Variants in RNF185 observed in about 807,000 individuals in gnomAD.
RNF185 encodes E3 ubiquitin-protein ligase RNF185.
In RNF185, 13 loss-of-function variants were observed where a neutral mutation model predicts 24.9. The observed-to-expected ratio is 0.52, with a 90% CI of 0.34 to 0.83. The LOEUF (loss-of-function observed/expected upper bound fraction) is 0.83. Ranked by LOEUF, RNF185 falls within the 40% of genes least tolerant of loss-of-function variation. The probability of loss-of-function intolerance (pLI) is 0.01; values close to 1 mark genes in which losing one functional copy is unlikely to be tolerated. For missense variants in RNF185, 184 were observed against 244.7 expected (o/e 0.75, Z 1.65); for synonymous variants, 79 against 90.3 (o/e 0.88, Z 0.71).
intron 1 of RNF185, among the ~76,000 whole-genome samples, chr22:31,161,009 G>A (rs1923540774): frequency 6.6e-6 from 1 of 152,188 alleles, no homozygotes; most frequent in Non-Finnish European, 1.5e-5. Flanking sequence ...GCCAGTTCAG[G>A]AACTTTGAAA....
At chr22:31,199,267 G>A (rs753558247) in intron 5 of RNF185, among the ~76,000 whole-genome samples, 4 of 152,122 alleles carry the variant, frequency 2.6e-5, no homozygotes, top group East Asian at 1.9e-4. Context: ...CTCATTTAAC[G>A]GAGGAGGAAA....
rs376584668 is a variant in RNF185, at chr22:31,194,086, C to T, written c.196-1383C>T. ...TTTTTTGTCTTTTTAGTAGAGACAA[C>T]GGAGTTTCACCATGTTCCCCACGCT... On this transcript the variant is annotated intron_variant, in intron 3 of 6. Coordinates refer to ENST00000326132, the MANE Select transcript of RNF185 (RefSeq NM_152267.4). 9.9e-5 allele frequency among the ~76,000 whole-genome samples: 15 copies of T among 151,476 alleles called. No individual in the cohort carries two copies. In the South Asian group the frequency reaches 1.3e-3, roughly 13 times the overall value.
intron 1 of RNF185, among the ~76,000 whole-genome samples, chr22:31,177,940 A>G (rs1486221237): frequency 6.6e-6 from 1 of 152,180 alleles, no homozygotes; most frequent in Admixed American, 6.5e-5. Context: ...CTGCAGGGAT[A>G]TTCAACTCTC....
At position 31,187,214 on chromosome 22, in the gene RNF185, C is replaced by T. The variant is rs755017292; in HGVS notation, c.120C>T (p.Asn40=). The change falls in exon 2 of 7, where the codon AAC becomes AAT. Residue 40 remains asparagine (N), a synonymous_variant. Transcript: ENST00000326132. ...SGGQDSTFEC[N]ICLDTAKDAV... is the part of the protein sequence containing the mutation. ...GGCAGGACAGCACTTTCGAGTGCAA[C>T]ATCTGCTTGGACACAGCCAAGGATG... The T allele has an allele frequency of 1.2e-6, 2 of 1,614,152 alleles. No homozygotes were observed. Among genetic ancestry groups the T allele is most frequent in the South Asian group, 1.1e-5 (1 of 91,080 alleles).
rs912112340 is a variant in RNF185 at position 31,204,656 on chromosome 22, T to C, written c.*70T>C. ...ACGTGCCACCCCAACTCCTGGTGTTTGGCTTCCTGGCTAATCTTGACTCCT... is the reference window on the plus strand; with the variant it reads ...ACGTGCCACCCCAACTCCTGGTGTTCGGCTTCCTGGCTAATCTTGACTCCT... On this transcript the variant is annotated 3_prime_UTR_variant, in exon 7 of 7. Coordinates refer to ENST00000326132, the MANE Select transcript of RNF185 (RefSeq NM_152267.4). 8 of 981,900 alleles carry C rather than the reference T, an allele frequency of 8.1e-6. No homozygotes were observed. The highest frequency in any genetic ancestry group is 1.3e-5 in the Non-Finnish European group (8 of 607,334). 60.8% of individuals were successfully genotyped at this position (981,900 alleles called of 1,614,324 possible).
chr22:31,189,286 T>TTC (rs2048132526), intron 2 of RNF185, among the ~76,000 whole-genome samples: 1 of 100,656 alleles, frequency 9.9e-6, no homozygotes, highest in African/African-American at 4.2e-5. Flanking sequence ...ATATCTTTTT[T>TTC]TTTTTTTTTT....
At chr22:31,188,049 G>A (rs1366491369) in intron 2 of RNF185, among the ~76,000 whole-genome samples, 1 of 152,098 alleles carries the variant, frequency 6.6e-6, no homozygotes, top group African/African-American at 2.4e-5. Context: ...CTAGGGACAG[G>A]CACATGCACT....
At chr22:31,189,538 C>G (rs188947586) in intron 2 of RNF185, among the ~76,000 whole-genome samples, 2 of 151,812 alleles carry the variant, frequency 1.3e-5, no homozygotes, top group South Asian at 2.1e-4. Context: ...CTCAAGTGAT[C>G]TGCCCACCCC....
intron 1 of RNF185, among the ~76,000 whole-genome samples, chr22:31,173,946 C>G (rs1163886267): frequency 6.6e-6 from 1 of 152,198 alleles, no homozygotes; most frequent in Non-Finnish European, 1.5e-5. Context: ...GACTCATTTA[C>G]TCAGCAAATT....
At chr22:31,187,392 A>G (rs1239229760) in intron 2 of RNF185, 122 bp downstream of exon 2, 3 of 1,052,232 alleles carry the variant, frequency 2.9e-6, no homozygotes, top group Non-Finnish European at 4.2e-6. Flanking sequence ...CTCAAGGGAC[A>G]AGAGACCTGA....
intron 3 of RNF185, among the ~76,000 whole-genome samples, chr22:31,193,701 C>T (rs1251347331): frequency 6.6e-5 from 10 of 150,900 alleles, no homozygotes; most frequent in Admixed American, 2.6e-4. Context: ...GGCTGAGGCA[C>T]GAGAATCGCT....
rs1309956397 is a variant in RNF185, at chr22:31,206,867, C to G, written c.*2281C>G. 6.6e-6 allele frequency: 1 copy of G among 152,282 alleles called. No individual in the cohort carries two copies. Among genetic ancestry groups the G allele is most frequent in the African/African-American group, 2.4e-5 (1 of 41,454 alleles). The allele number at this position is 152,282 out of a possible 1,614,324, so 9.4% of individuals were successfully genotyped here. On this transcript the variant is annotated 3_prime_UTR_variant, in exon 7 of 7. Coordinates refer to ENST00000326132, the MANE Select transcript of RNF185 (RefSeq NM_152267.4). ...GTTTTCTGTGTTCTTAGCCTCCACC[C>G]TCCTCCTGCCACCCTTGTGGACTAG...
At chr22:31,198,817 G>A (rs2048234413) in intron 5 of RNF185, among the ~76,000 whole-genome samples, 1 of 145,704 alleles carries the variant, frequency 6.9e-6, no homozygotes, top group South Asian at 2.2e-4. Context: ...GTTCTCGGCT[G>A]GGCGTGGTGG....
At chr22:31,185,180 A>G (rs5749227) in intron 1 of RNF185, among the ~76,000 whole-genome samples, 126,023 of 151,906 alleles carry the variant, frequency 0.83, 52,921 homozygotes, top group African/African-American at 0.96. Context: ...AACTGGTGCC[A>G]CCAGCATCCA....
chr22:31,173,498 T>C (rs1464097068), intron 1 of RNF185, among the ~76,000 whole-genome samples: 1 of 151,828 alleles, frequency 6.6e-6, no homozygotes, highest in Admixed American at 6.6e-5. Flanking sequence ...GTAAGGAACC[T>C]GGAAGCTGGG....
At chr22:31,181,617 A>G (rs1400440532) in intron 1 of RNF185, among the ~76,000 whole-genome samples, 3 of 152,202 alleles carry the variant, frequency 2.0e-5, no homozygotes, top group Admixed American at 6.5e-5. Flanking sequence ...ATGTCCAACA[A>G]TGGTAGACTG....
chr22:31,168,740 G>A (rs144067957), intron 1 of RNF185, among the ~76,000 whole-genome samples: 2,024 of 152,218 alleles, frequency 0.013, 19 homozygotes, highest in Middle Eastern at 0.027. Context: ...ATTTTCTGGT[G>A]TTATAAAAAT....
chr22:31,188,619 G>A (rs2048122671), intron 2 of RNF185, among the ~76,000 whole-genome samples: 1 of 151,994 alleles, frequency 6.6e-6, no homozygotes, highest in Non-Finnish European at 1.5e-5. Flanking sequence ...TTGAGCCCAG[G>A]AGTGCAAGAT....
chr22:31,187,117 C>A lies in RNF185; in HGVS notation c.23C>A (p.Ala8Asp). The stretch of plus-strand genomic sequence containing the variant: ...AGGATGGCAAGCAAGGGGCCCTCGG[C>A]CTCTGCATCTCCTGAGAACTCCAGT... MASKGPS[A>D]SASPENSSAG... Residue 8 changes from alanine to aspartate, a missense_variant, in exon 2 of 7, where the codon GCC becomes GAC. Physicochemically the swap from Ala to Asp is moderately radical, Grantham distance 126. Coordinates refer to ENST00000326132, the MANE Select transcript of RNF185 (RefSeq NM_152267.4). 6.2e-7 allele frequency: 1 copy of A among 1,608,812 alleles called. No homozygotes were observed. The highest frequency in any genetic ancestry group is 1.7e-5 in the Admixed American group (1 of 58,888).
Sources: gnomAD v4.1 joint callset for allele counts (sites outside exome capture counted in the v4.1 genomes callset) on GRCh38, gnomAD v4.1.1 for gene constraint, MANE v1.5 for transcripts, NCBI Gene and HGNC (gene_info 2026-07-23, HGNC 2026-07-21) for gene names.